The following GSKIP variants were observed in gnomAD, a reference collection of about 807,000 sequenced individuals.
GSKIP encodes the protein GSK3B-interacting protein.
In GSKIP, 5 loss-of-function variants were observed where a neutral mutation model predicts 11.9. The observed-to-expected ratio is 0.42, with a 90% CI of 0.22 to 0.89. The LOEUF (loss-of-function observed/expected upper bound fraction) is 0.89, where lower values mean the gene tolerates loss of function less well. GSKIP is among the 40% of genes least tolerant of loss of function. The probability of loss-of-function intolerance (pLI) is 0.29; values close to 1 mark genes in which losing one functional copy is unlikely to be tolerated. For synonymous variants in GSKIP, 70 were observed against 62.9 expected (o/e 1.11, Z -0.54); for missense variants, 150 against 166.6 (o/e 0.90, Z 0.55).
chr14:96,367,084 G>A (rs1188809663), intron 1 of GSKIP, among the ~76,000 whole-genome samples: 1 of 152,154 alleles, frequency 6.6e-6, no homozygotes, highest in East Asian at 1.9e-4. Context: ...TTCAGGGTCA[G>A]GCTTTCTTCT....
intron 1 of GSKIP, among the ~76,000 whole-genome samples, chr14:96,373,728 G>A (rs1317123876): frequency 6.6e-6 from 1 of 152,132 alleles, no homozygotes; most frequent in African/African-American, 2.4e-5. Flanking sequence ...ACTCAGAAAG[G>A]TTTTGCCTCT....
intron 1 of GSKIP, among the ~76,000 whole-genome samples, chr14:96,368,643 G>A (rs1237683522): frequency 2.6e-5 from 4 of 152,140 alleles, no homozygotes; most frequent in Non-Finnish European, 4.4e-5. Context: ...CCTGGTGGGA[G>A]GTGTTTGGAT....
chr14:96,372,968 C>T (rs188829556), intron 1 of GSKIP, among the ~76,000 whole-genome samples: 3 of 151,982 alleles, frequency 2.0e-5, no homozygotes, highest in East Asian at 1.9e-4. Flanking sequence ...CTGTGGCTCA[C>T]GCCTGTAATC....
chr14:96,368,593 G>A (rs145895890), intron 1 of GSKIP, among the ~76,000 whole-genome samples: 2 of 152,352 alleles, frequency 1.3e-5, no homozygotes, highest in African/African-American at 4.8e-5. Flanking sequence ...GCCCCACCAA[G>A]CCTCATGTTG....
At chr14:96,383,140 G>A (rs755371562) in intron 3 of GSKIP, among the ~76,000 whole-genome samples, 4 of 152,058 alleles carry the variant, frequency 2.6e-5, no homozygotes, top group Admixed American at 6.6e-5. Context: ...CCAGACCTGC[G>A]GGCTCTTACC....
chr14:96,372,054 T>G (rs1363697406), intron 1 of GSKIP, among the ~76,000 whole-genome samples: 1 of 152,190 alleles, frequency 6.6e-6, no homozygotes, highest in Non-Finnish European at 1.5e-5. Flanking sequence ...GGATGTGGCT[T>G]GAGACATCCA....
chr14:96,369,891 C>T (rs1195407722), intron 1 of GSKIP, among the ~76,000 whole-genome samples: 2 of 152,126 alleles, frequency 1.3e-5, no homozygotes. Context: ...TGCACAGCCA[C>T]TGGCAGTGTG....
At chr14:96,365,922 C>T (rs1279342874) in intron 1 of GSKIP, among the ~76,000 whole-genome samples, 1 of 151,936 alleles carries the variant, frequency 6.6e-6, no homozygotes, top group Admixed American at 6.6e-5. Context: ...TCTATGGGAT[C>T]ATGCTAACTG....
At chr14:96,382,618 C>T (rs1889379738) in intron 3 of GSKIP, 113 bp downstream of exon 3, 1 of 606,264 alleles carries the variant, frequency 1.6e-6, no homozygotes, top group Non-Finnish European at 2.5e-6. Flanking sequence ...TATTCAGTAG[C>T]TTCCAAATTT....
chr14:96,379,251 C>T (rs1344518791), intron 1 of GSKIP, among the ~76,000 whole-genome samples: 1 of 152,144 alleles, frequency 6.6e-6, no homozygotes, highest in Non-Finnish European at 1.5e-5. Flanking sequence ...TTGCAGTGAG[C>T]CGAGATCATG....
chr14:96,382,224 A>T (rs767573605), intron 2 of GSKIP, 23 bp from the exon 3 acceptor site: 63 of 1,477,290 alleles, frequency 4.3e-5, no homozygotes, highest in Non-Finnish European at 5.0e-5. Flanking sequence ...AAATTTTATA[A>T]CTGCTTTTTT....
intron 1 of GSKIP, among the ~76,000 whole-genome samples, chr14:96,377,368 T>G (rs1409056006): frequency 1.3e-5 from 2 of 152,208 alleles, no homozygotes; most frequent in East Asian, 3.9e-4. Flanking sequence ...TCAACCATTC[T>G]GGTAACCTGA....
At chr14:96,371,442 CTTTTTT>C (rs570686090) in intron 1 of GSKIP, among the ~76,000 whole-genome samples, 1 of 112,796 alleles carries the variant, frequency 8.9e-6, no homozygotes, top group Admixed American at 9.0e-5. Flanking sequence ...TATCAACAAT[CTTTTTT>C]TTTTTTTTTT....
intron 1 of GSKIP, chr14:96,364,285 A>G (rs1888800033): frequency 6.6e-6 from 1 of 152,112 alleles, no homozygotes; most frequent in Non-Finnish European, 1.5e-5. Flanking sequence ...CGGCACTGAC[A>G]CCTATTAGCC....
chr14:96,371,047 A>T (rs1302878995), intron 1 of GSKIP, among the ~76,000 whole-genome samples: 1 of 152,212 alleles, frequency 6.6e-6, no homozygotes, highest in Admixed American at 6.5e-5. Context: ...CTGAATTAAA[A>T]TGTTTTATTT....
intron 1 of GSKIP, among the ~76,000 whole-genome samples, chr14:96,372,544 G>T (rs1213385078): frequency 6.6e-6 from 1 of 152,192 alleles, no homozygotes; most frequent in Non-Finnish European, 1.5e-5. Flanking sequence ...TAAAAACATG[G>T]ATCTCATAAA....
intron 1 of GSKIP, among the ~76,000 whole-genome samples, chr14:96,377,577 ATATT>A (rs1889236005): frequency 6.6e-6 from 1 of 152,200 alleles, no homozygotes; most frequent in Non-Finnish European, 1.5e-5. Flanking sequence ...TTGTGGTAGA[ATATT>A]TATATAAGTG....
chr14:96,366,496 G>A (rs909348119), intron 1 of GSKIP, among the ~76,000 whole-genome samples: 2 of 152,178 alleles, frequency 1.3e-5, no homozygotes, highest in African/African-American at 4.8e-5. Flanking sequence ...GGCTACAGTA[G>A]GGTACAAACT....
rs955280779 is a variant in GSKIP, at chr14:96,379,754, A to G, written c.-36A>G. On this transcript the variant is annotated 5_prime_UTR_variant, in exon 2 of 4. Coordinates refer to ENST00000555181, the MANE Select transcript of GSKIP (RefSeq NM_016472.5). Reference sequence around the variant, plus strand: ...TGACCTGTGAGGATTCCTTCCCTTCAGGTACTGGATTCTTGATCTTTCTGC... The same window carrying G: ...TGACCTGTGAGGATTCCTTCCCTTCGGGTACTGGATTCTTGATCTTTCTGC... The G allele has an allele frequency of 3.3e-5, 5 of 152,122 alleles. No homozygotes were observed. The highest frequency in any genetic ancestry group is 1.3e-4 in the Admixed American group (2 of 15,280). The allele number at this position is 152,122 out of a possible 1,614,324, so 9.4% of individuals were successfully genotyped here. A position where few individuals can be genotyped will look rare whatever the true frequency, so the allele number is the denominator to read the frequency against.
Sources: allele counts gnomAD v4.1 joint callset (sites outside exome capture counted in the v4.1 genomes callset), GRCh38; gene constraint gnomAD v4.1.1; transcripts MANE v1.5; gene names NCBI Gene and HGNC (gene_info 2026-07-23, HGNC 2026-07-21).